The following GOLM1 variants were observed in gnomAD, a reference collection of about 807,000 sequenced individuals.
GOLM1 encodes epididymis luminal protein 46.
GOLM1 carries 31 observed loss-of-function variants against 50.5 expected under a neutral mutation model. The ratio of observed to expected loss-of-function variants is 0.61; its 90% confidence interval spans 0.46 to 0.83. The LOEUF is 0.83. GOLM1 is among the 40% of genes least tolerant of loss of function. The pLI is 0.00. For synonymous variants in GOLM1, 178 were observed against 192.8 expected, an observed-to-expected ratio of 0.92 and a Z score of 0.64; for missense variants, 491 against 501.3, an observed-to-expected ratio of 0.98 and a Z score of 0.20.
chr9:86,084,379 C>T (rs1928231), intron 1 of GOLM1, among the ~76,000 whole-genome samples: 63,629 of 152,018 alleles, frequency 0.42, 15,536 homozygotes, highest in Non-Finnish European at 0.56. Flanking sequence ...TGAGGCACAT[C>T]GACATCACAT....
At chr9:86,068,425 C>G (rs1165709506) in intron 3 of GOLM1, among the ~76,000 whole-genome samples, 1 of 152,240 alleles carries the variant, frequency 6.6e-6, no homozygotes, top group Admixed American at 6.5e-5. Flanking sequence ...CTGGTCAGGT[C>G]TGCTGTGAGC....
intron 6 of GOLM1, among the ~76,000 whole-genome samples, chr9:86,038,890 A>G (rs549213792): frequency 6.6e-6 from 1 of 152,308 alleles, no homozygotes; most frequent in East Asian, 1.9e-4. Flanking sequence ...TGGGTCAGGC[A>G]AAGTGTTACT....
rs371726451 is a variant in GOLM1 at position 86,044,192 on chromosome 9, A to G, written c.467+2278T>C. ...ATGACAGACAAAAATGTCTCCAAAC[A>G]TTGCCAAAGGCCTACTGGGGACAAG... On this transcript the variant is annotated intron_variant, in intron 5 of 9. Transcript: ENST00000388712. Among the ~76,000 whole-genome samples the G allele has an allele frequency of 2.6e-5, 4 of 152,326 alleles. No individual in the cohort carries two copies. In the East Asian group the frequency reaches 5.8e-4, roughly 22 times the overall value.
At chr9:86,082,032 T>TTC (rs1485358026) in intron 1 of GOLM1, among the ~76,000 whole-genome samples, 1 of 129,146 alleles carries the variant, frequency 7.7e-6, no homozygotes, top group East Asian at 2.2e-4. Flanking sequence ...ACACTTTTTT[T>TTC]TTTTTTTTTT....
chr9:86,076,822 C>T (rs908189351), intron 3 of GOLM1, among the ~76,000 whole-genome samples: 2 of 150,774 alleles, frequency 1.3e-5, no homozygotes, highest in African/African-American at 4.9e-5. Context: ...TGCACCATTG[C>T]ACTCCAGCCT....
rs921160880 is a variant in GOLM1, at chr9:86,028,958, C to T, written c.1130-1065G>A. Among the ~76,000 whole-genome samples, 12 of 151,746 alleles carry T rather than the reference C, an allele frequency of 7.9e-5. No individual in the cohort carries two copies. The South Asian group carries it at 1.7e-3, about 21-fold the overall frequency. Reference sequence around the variant, plus strand: ...CCACCTCCGGGGTTCACGCCATTCTCCCGCCTAAGCTTCCCGAGTAGCTGG... The same window carrying T: ...CCACCTCCGGGGTTCACGCCATTCTTCCGCCTAAGCTTCCCGAGTAGCTGG... On this transcript the variant is annotated intron_variant, in intron 9 of 9. Transcript: ENST00000388712.
upstream of GOLM1, chr9:86,099,609 G>A (rs965517214): frequency 3.1e-4 from 46 of 148,506 alleles, no homozygotes; most frequent in African/African-American, 1.0e-3. Flanking sequence ...GCGGCGCGAA[G>A]GGAGGAGGCG....
At chr9:86,052,791 C>T (rs371641568) in intron 3 of GOLM1, among the ~76,000 whole-genome samples, 200 bp from the exon 4 acceptor site, 37 of 152,070 alleles carry the variant, frequency 2.4e-4, no homozygotes, top group South Asian at 4.2e-4. Context: ...CGCTCCCCAC[C>T]ACCGCCTCTG....
intron 5 of GOLM1, among the ~76,000 whole-genome samples, chr9:86,043,678 C>T (rs1351034185): frequency 6.6e-6 from 1 of 152,164 alleles, no homozygotes; most frequent in African/African-American, 2.4e-5. Context: ...GTGAAATAGG[C>T]ACAGTCAGCC....
chr9:86,027,469 A>G lies in GOLM1; in HGVS notation c.*348T>C, dbSNP rs918241151. On this transcript the variant is annotated 3_prime_UTR_variant, in exon 10 of 10. Coordinates refer to ENST00000388712, the MANE Select transcript of GOLM1 (RefSeq NM_016548.4). ...TCCTTCACAGCAGATGGACTCTTCT[A>G]TAGGTGGCTGTTAATTTACACAAAG... 4.6e-6 allele frequency: 5 copies of G among 1,090,442 alleles called. No homozygotes were observed. The East Asian group carries it at 2.4e-4, about 53-fold the overall frequency. 67.5% of individuals were successfully genotyped at this position (1,090,442 alleles called of 1,614,324 possible). A position where few individuals can be genotyped will look rare whatever the true frequency, so the allele number is the denominator to read the frequency against.
At chr9:86,044,240 T>C (rs1833459249) in intron 5 of GOLM1, among the ~76,000 whole-genome samples, 1 of 152,228 alleles carries the variant, frequency 6.6e-6, no homozygotes. Flanking sequence ...TGAGAACCAC[T>C]GGCATAGCTG....
At chr9:86,037,557 A>G (rs1833188527) in intron 6 of GOLM1, among the ~76,000 whole-genome samples, 1 of 152,192 alleles carries the variant, frequency 6.6e-6, no homozygotes, top group Admixed American at 6.5e-5. Flanking sequence ...AAGCATCTGT[A>G]TTAGAAGACT....
rs903151536 is a variant in GOLM1 at position 86,079,687 on chromosome 9, C to T, written c.-21-346G>A. The T allele has an allele frequency of 3.7e-5, 7 of 191,502 alleles. No homozygotes were observed. In the East Asian group the frequency reaches 5.3e-4, roughly 15 times the overall value. The allele number at this position is 191,502 out of a possible 1,614,324, so 11.9% of individuals were successfully genotyped here. On this transcript the variant is annotated intron_variant, in intron 1 of 9. Transcript: ENST00000388712. ...AAAATCATTACCATACTCACCTTCC[C>T]GGCATAGTTTGAGAATTAATCATTT...
chr9:86,030,278 T>C (rs1832934567), intron 9 of GOLM1, among the ~76,000 whole-genome samples: 1 of 144,032 alleles, frequency 6.9e-6, no homozygotes, highest in Admixed American at 6.9e-5. Context: ...CCGTGAAACA[T>C]GCTCAAGAAC....
At chr9:86,099,107 G>T (rs891930273) in intron 1 of GOLM1, among the ~76,000 whole-genome samples, 1 of 152,186 alleles carries the variant, frequency 6.6e-6, no homozygotes, top group Non-Finnish European at 1.5e-5. Flanking sequence ...GACAGGCCCC[G>T]CATCGCCTGA....
At chr9:86,094,190 T>C (rs1244792113) in intron 1 of GOLM1, among the ~76,000 whole-genome samples, 1 of 151,688 alleles carries the variant, frequency 6.6e-6, no homozygotes, top group East Asian at 1.9e-4. Flanking sequence ...AGTTTTACTA[T>C]ACACTGCCAT....
intron 1 of GOLM1, among the ~76,000 whole-genome samples, chr9:86,094,344 C>A (rs1402348198): frequency 1.3e-5 from 2 of 152,188 alleles, no homozygotes; most frequent in African/African-American, 4.8e-5. Context: ...TTTGTCAACT[C>A]TGCCTCTAAC....
intron 3 of GOLM1, among the ~76,000 whole-genome samples, chr9:86,058,444 C>CA (rs1460632675): frequency 6.6e-6 from 1 of 152,124 alleles, no homozygotes; most frequent in East Asian, 1.9e-4. Flanking sequence ...CGCGGTGGCT[C>CA]ATGCCTGTAA....
At chr9:86,033,097 T>C (rs1833033153) in intron 9 of GOLM1, among the ~76,000 whole-genome samples, 185 bp downstream of exon 9, 2 of 152,174 alleles carry the variant, frequency 1.3e-5, no homozygotes, top group Admixed American at 1.3e-4. Context: ...TTCATCACCT[T>C]GGGCTTCTCA....
Sources: gnomAD v4.1 joint callset for allele counts (sites outside exome capture counted in the v4.1 genomes callset) on GRCh38, gnomAD v4.1.1 for gene constraint, MANE v1.5 for transcripts, NCBI Gene and HGNC (gene_info 2026-07-23, HGNC 2026-07-21) for gene names.